The following SLC17A8 variants were observed in gnomAD, a reference collection of about 807,000 sequenced individuals.
SLC17A8 encodes the protein vesicular glutamate transporter 3.
In SLC17A8, 31 loss-of-function variants were observed where a neutral mutation model predicts 58.0. That is an observed-to-expected ratio of 0.53 (90% CI 0.40 to 0.72). The LOEUF (loss-of-function observed/expected upper bound fraction) is 0.72, where lower values mean the gene tolerates loss of function less well. Among genes scored for constraint, SLC17A8 ranks in the 30% least tolerant of loss-of-function variants. The pLI, the probability that SLC17A8 is intolerant of heterozygous loss-of-function variation, is 0.00. For missense variants in SLC17A8, 655 were observed against 727.8 expected (o/e 0.90, Z 1.15); for synonymous variants, 228 against 249.0 (o/e 0.92, Z 0.79).
At position 100,418,050 on chromosome 12, in the gene SLC17A8, A is replaced by G. The variant is rs761241835; in HGVS notation, c.1319A>G (p.Asp440Gly). The change falls in exon 11 of 12, where the codon GAC becomes GGC. Residue 440 changes from aspartate to glycine, a missense_variant. Coordinates refer to ENST00000323346, the MANE Select transcript of SLC17A8 (RefSeq NM_139319.3). ...AISGFNVNHL[D>G]IAPRYASILM... ...GTAGGTTTTAATGTCAACCACCTGG[A>G]CATTGCCCCACGCTATGCCAGCATT... 1.9e-6 allele frequency: 3 copies of G among 1,614,196 alleles called. No homozygotes were observed. The highest frequency in any genetic ancestry group is 2.5e-6 in the Non-Finnish European group (3 of 1,180,020).
intron 8 of SLC17A8, 150 bp downstream of exon 8, chr12:100,402,895 A>T: frequency 1.3e-6 from 1 of 777,028 alleles, no homozygotes; most frequent in Non-Finnish European, 2.0e-6. Flanking sequence ...CAAGTTATAC[A>T]TTCTATGCAT....
At chr12:100,393,221 C>A (rs1039578843) in intron 3 of SLC17A8, 148 bp from the exon 4 acceptor site, 10 of 604,430 alleles carry the variant, frequency 1.7e-5, no homozygotes, top group Non-Finnish European at 2.5e-5. Flanking sequence ...ACCTCAGCCT[C>A]CCAAAGTGCT....
At position 100,404,310 on chromosome 12, in the gene SLC17A8, T is replaced by C. The variant is rs981944356; in HGVS notation, c.1186+140T>C. 5.9e-5 allele frequency: 64 copies of C among 1,088,668 alleles called. No individual in the cohort carries two copies. The African/African-American group carries it at 9.2e-4, about 16-fold the overall frequency. The allele number at this position is 1,088,668 out of a possible 1,614,324, so 67.4% of individuals were successfully genotyped here. On this transcript the variant is annotated intron_variant, in intron 9 of 11. Transcript: ENST00000323346. ...CTAAGTCTGTCCCTCAGCAGACACT[T>C]GAGTGTTGTCCATCACAGTGCTGCC... is the stretch of plus-strand genomic sequence containing the variant.
intron 1 of SLC17A8, among the ~76,000 whole-genome samples, chr12:100,374,563 G>T (rs563957343): frequency 2.0e-5 from 3 of 152,300 alleles, no homozygotes; most frequent in African/African-American, 7.2e-5. Context: ...AGTGAGCCAA[G>T]ATTGCGCCAC....
At chr12:100,375,639 G>A (rs185858158) in intron 1 of SLC17A8, among the ~76,000 whole-genome samples, 11 of 152,334 alleles carry the variant, frequency 7.2e-5, no homozygotes, top group African/African-American at 1.9e-4. Flanking sequence ...GCTCCACAGC[G>A]CTTTCAGTTT....
At chr12:100,409,145 T>TTATG (rs4015905) in intron 9 of SLC17A8, among the ~76,000 whole-genome samples, 5,981 of 143,730 alleles carry the variant, frequency 0.042, 133 homozygotes, top group Non-Finnish European at 0.047. Context: ...TCATTAAACG[T>TTATG]TATGTATGTA....
At chr12:100,385,738 T>C (rs1403531212) in intron 2 of SLC17A8, among the ~76,000 whole-genome samples, 1 of 152,196 alleles carries the variant, frequency 6.6e-6, no homozygotes, top group Non-Finnish European at 1.5e-5. Flanking sequence ...TAAGCTAACC[T>C]ATATTAAATA....
intron 10 of SLC17A8, 57 bp downstream of exon 10, chr12:100,412,937 G>T (rs11568535): frequency 0.048 from 65,480 of 1,353,104 alleles, 2,983 homozygotes; most frequent in East Asian, 0.19. Flanking sequence ...GTCCCAGGAA[G>T]AAGGAAGGAC....
intron 6 of SLC17A8, among the ~76,000 whole-genome samples, 159 bp from the exon 7 acceptor site, chr12:100,402,181 T>C (rs1440631063): frequency 6.6e-6 from 1 of 152,200 alleles, no homozygotes; most frequent in Non-Finnish European, 1.5e-5. Context: ...AATTGGGTGT[T>C]CACGTGCATG....
chr12:100,364,047 CAAAAAAAAAAAA>C (rs3057169), intron 1 of SLC17A8, among the ~76,000 whole-genome samples: 1 of 52,992 alleles, frequency 1.9e-5, no homozygotes, highest in Non-Finnish European at 3.7e-5. Context: ...GATTCCATCT[CAAAAAAAAAAAA>C]AAAAAAAAAA....
rs1484863207 is a variant in SLC17A8, at chr12:100,401,164, A to AT, written c.677-607dup. 3.3e-5 allele frequency among the ~76,000 whole-genome samples: 5 copies of AT among 151,766 alleles called. No individual in the cohort carries two copies. In the East Asian group the frequency reaches 9.7e-4, roughly 30 times the overall value. ...AGGCACGCGCCACCATGCCAGGCTA[A>AT]TTTTTTGTATTTTTAGTAGAGATGG... On this transcript the variant is annotated intron_variant, in intron 5 of 11. Coordinates refer to ENST00000323346, the MANE Select transcript of SLC17A8 (RefSeq NM_139319.3).
chr12:100,403,895 G>T, intron 8 of SLC17A8, 143 bp from the exon 9 acceptor site: 3 of 851,560 alleles, frequency 3.5e-6, no homozygotes, highest in Non-Finnish European at 5.9e-6. Flanking sequence ...TGAAATTCAG[G>T]CCTACCCAGC....
chr12:100,411,292 C>A (rs537121649), intron 9 of SLC17A8, among the ~76,000 whole-genome samples: 2 of 152,116 alleles, frequency 1.3e-5, no homozygotes, highest in South Asian at 4.2e-4. Flanking sequence ...ACCAGCCTGG[C>A]CAACATGGTG....
chr12:100,372,113 T>C (rs772768035), intron 1 of SLC17A8, among the ~76,000 whole-genome samples: 6 of 152,094 alleles, frequency 3.9e-5, no homozygotes, highest in East Asian at 3.9e-4. Flanking sequence ...GAGGGCAAAT[T>C]TGAATGCTGT....
chr12:100,370,587 G>T (rs1222925954), intron 1 of SLC17A8, among the ~76,000 whole-genome samples: 2 of 145,490 alleles, frequency 1.4e-5, no homozygotes, highest in Non-Finnish European at 1.5e-5. Context: ...ATGAGCCACC[G>T]TGCCCAGCCA....
intron 8 of SLC17A8, 69 bp downstream of exon 8, chr12:100,402,814 A>G (rs146974861): frequency 4.6e-5 from 67 of 1,449,294 alleles, no homozygotes; most frequent in Non-Finnish European, 5.8e-5. Context: ...ATAACTTTGT[A>G]TGATAAAATA....
At chr12:100,399,535 A>G (rs149444388) in intron 5 of SLC17A8, among the ~76,000 whole-genome samples, 36 of 152,298 alleles carry the variant, frequency 2.4e-4, no homozygotes, top group African/African-American at 8.7e-4. Flanking sequence ...AGGAACTTAC[A>G]ATCACGGCAG....
At chr12:100,361,044 A>G (rs1952480940) in intron 1 of SLC17A8, among the ~76,000 whole-genome samples, 2 of 152,140 alleles carry the variant, frequency 1.3e-5, no homozygotes, top group African/African-American at 4.8e-5. Context: ...AACAAAGGTG[A>G]GTGTGTTAAA....
chr12:100,375,673 C>G (rs1035947094), intron 1 of SLC17A8, among the ~76,000 whole-genome samples: 1 of 152,238 alleles, frequency 6.6e-6, no homozygotes, highest in Non-Finnish European at 1.5e-5. Flanking sequence ...TCTAAAGCAT[C>G]TGCATGTATA....
Sources: allele counts gnomAD v4.1 joint callset (sites outside exome capture counted in the v4.1 genomes callset), GRCh38; gene constraint gnomAD v4.1.1; transcripts MANE v1.5; gene names NCBI Gene and HGNC (gene_info 2026-07-23, HGNC 2026-07-21).